WDR53: variants seen among roughly 807,000 people sequenced by gnomAD.
The protein encoded by WDR53 is WD repeat-containing protein 53.
In WDR53, 19 loss-of-function variants were observed where a neutral mutation model predicts 21.3. That is an observed-to-expected ratio of 0.89 (90% CI 0.62 to 1.31). The LOEUF is 1.31. Among genes scored for constraint, WDR53 ranks in the 50% most tolerant of loss-of-function variants. WDR53 has a pLI of 0.00. For missense variants in WDR53, 374 were observed against 423.2 expected, an observed-to-expected ratio of 0.88 and a Z score of 1.02; for synonymous variants, 157 against 163.4, an observed-to-expected ratio of 0.96 and a Z score of 0.30.
intron 2 of WDR53, 131 bp from the exon 3 acceptor site, chr3:196,561,622 TAAA>T: frequency 4.0e-6 from 3 of 752,774 alleles, no homozygotes; most frequent in Non-Finnish European, 5.6e-6. Flanking sequence ...CTCAATTAAT[TAAA>T]AAAAAAAAAG....
At chr3:196,562,283 T>C (rs748020287) in intron 2 of WDR53, among the ~76,000 whole-genome samples, 9 of 152,170 alleles carry the variant, frequency 5.9e-5, no homozygotes, top group Non-Finnish European at 1.2e-4. Flanking sequence ...TTTTCTGAGA[T>C]GGAGTCTCGC....
At chr3:196,560,602 T>C (rs558097148) in intron 3 of WDR53, among the ~76,000 whole-genome samples, 4 of 152,114 alleles carry the variant, frequency 2.6e-5, no homozygotes, top group African/African-American at 9.7e-5. Context: ...ATACACACTA[T>C]TTCAGTTAAT....
Position 196,562,565 on chromosome 3 carries a change from A to G in WDR53, c.-16-1074T>C, listed in dbSNP as rs574009261. ...GCGTGAGCCACCACGCCCGGCTGCA[A>G]TGTGTTTTAGTAAGTCCTCCAGGTG... On this transcript the variant is annotated intron_variant, in intron 2 of 3. Transcript: ENST00000332629. Among the ~76,000 whole-genome samples, 11 of 152,194 alleles carry G rather than the reference A, an allele frequency of 7.2e-5. No individual in the cohort carries two copies. The East Asian group carries it at 2.1e-3, about 29-fold the overall frequency.
At chr3:196,567,676 G>A (rs1488665777) in intron 1 of WDR53, among the ~76,000 whole-genome samples, 1 of 151,960 alleles carries the variant, frequency 6.6e-6, no homozygotes, top group African/African-American at 2.4e-5. Flanking sequence ...CTCTTACTAA[G>A]CATGCTTTAA....
intron 3 of WDR53, among the ~76,000 whole-genome samples, chr3:196,559,683 C>T (rs964934656): frequency 7.9e-5 from 12 of 152,134 alleles, no homozygotes; most frequent in African/African-American, 2.9e-4. Context: ...CTGGACACAT[C>T]GGTCATTCAC....
chr3:196,561,162 G>C lies in WDR53; in HGVS notation c.314C>G (p.Thr105Arg). The C allele has an allele frequency of 6.2e-7, 1 of 1,614,164 alleles. No individual in the cohort carries two copies. The highest frequency in any genetic ancestry group is 8.5e-7 in the Non-Finnish European group (1 of 1,180,028). ...EEINCLSLNQ[T>R]ENLLASADDS... ...GTCAGCAGAAGCCAGCAGGTTTTCC[G>C]TTTGATTCAATGAAAGACAATTGAT... The change falls in exon 3 of 4, where the codon ACG becomes AGG. Residue 105 changes from threonine to arginine, a missense_variant. Transcript: ENST00000332629.
rs1435721312 is a variant in WDR53 at position 196,567,137 on chromosome 3, G to C, written c.-277C>G. ...TAGTTCATGATCCCTTTCTCAGATG[G>C]ATCAACTCTGCTTATCCTTGAAGAC... On this transcript the variant is annotated 5_prime_UTR_variant, in exon 2 of 4. The change creates a new upstream start codon in the 5' untranslated region. Transcript: ENST00000332629. 6.6e-6 allele frequency: 3 copies of C among 456,946 alleles called. No individual in the cohort carries two copies. In the East Asian group the frequency reaches 2.1e-4, roughly 32 times the overall value. 28.3% of individuals were successfully genotyped at this position (456,946 alleles called of 1,614,324 possible). A position where few individuals can be genotyped will look rare whatever the true frequency, so the allele number is the denominator to read the frequency against.
chr3:196,559,986 C>T (rs143933163), intron 3 of WDR53, among the ~76,000 whole-genome samples: 100 of 152,316 alleles, frequency 6.6e-4, no homozygotes, highest in African/African-American at 2.2e-3. Context: ...TGACGACTCA[C>T]TCCAGTGATG....
At chr3:196,559,890 A>G (rs1048103483) in intron 3 of WDR53, among the ~76,000 whole-genome samples, 7 of 152,338 alleles carry the variant, frequency 4.6e-5, no homozygotes, top group Middle Eastern at 3.4e-3. Context: ...ATTTATTAAA[A>G]AAAATAACTA....
chr3:196,567,332 G>T lies in WDR53; in HGVS notation c.-447-25C>A, dbSNP rs142538875. The stretch of plus-strand genomic sequence containing the variant: ...ACTGGTAAGAATGAAAAGAATTAGG[G>T]TTACTGGACTTGGTGAAAAAGACAT... On this transcript the variant is annotated intron_variant, in intron 1 of 3. Coordinates refer to ENST00000332629, the MANE Select transcript of WDR53 (RefSeq NM_182627.3). 5.5e-4 allele frequency: 234 copies of T among 422,894 alleles called. 2 individuals are homozygous for T. In the East Asian group the frequency reaches 0.015, roughly 27 times the overall value. 26.2% of individuals were successfully genotyped at this position (422,894 alleles called of 1,614,324 possible). A position where few individuals can be genotyped will look rare whatever the true frequency, so the allele number is the denominator to read the frequency against.
rs1240890276 is a variant in WDR53, at chr3:196,561,113, T to C, written c.363A>G (p.Leu121=). The part of the protein sequence containing the change: ...SADDSGAIKI[L]DLENKKVIRS... Reference sequence around the variant, plus strand: ...TGATAACTTTCTTGTTTTCCAAGTCTAGGATTTTGATTGCCCCAGAGTCGT... The same window carrying C: ...TGATAACTTTCTTGTTTTCCAAGTCCAGGATTTTGATTGCCCCAGAGTCGT... The change falls in exon 3 of 4, where the codon CTA becomes CTG. Residue 121 remains leucine (L), a synonymous_variant. Coordinates refer to ENST00000332629, the MANE Select transcript of WDR53 (RefSeq NM_182627.3). 3.7e-6 allele frequency: 6 copies of C among 1,614,128 alleles called. No individual in the cohort carries two copies. The highest frequency in any genetic ancestry group is 2.2e-5 in the South Asian group (2 of 91,088).
At chr3:196,566,301 G>C (rs1195972977) in intron 2 of WDR53, among the ~76,000 whole-genome samples, 1 of 151,754 alleles carries the variant, frequency 6.6e-6, no homozygotes, top group African/African-American at 2.4e-5. Context: ...TGTTGCCCAA[G>C]CTGGTCTAAC....
chr3:196,559,431 G>A (rs760576737), intron 3 of WDR53, among the ~76,000 whole-genome samples: 5 of 152,138 alleles, frequency 3.3e-5, no homozygotes, highest in African/African-American at 9.7e-5. Flanking sequence ...TCCCAGCACT[G>A]CAGGACACCC....
intron 2 of WDR53, among the ~76,000 whole-genome samples, chr3:196,563,000 TTTTTA>T (rs1382304149): frequency 6.6e-6 from 1 of 152,154 alleles, no homozygotes; most frequent in East Asian, 1.9e-4. Context: ...GCCTGGCTAA[TTTTTA>T]TTTTATTAAA....
intron 2 of WDR53, among the ~76,000 whole-genome samples, chr3:196,562,540 G>A (rs879366098): frequency 3.3e-5 from 5 of 152,152 alleles, no homozygotes; most frequent in Non-Finnish European, 7.4e-5. Flanking sequence ...GGGATTATAA[G>A]CGTGAGCCAC....
chr3:196,567,310 G>A lies in WDR53; in HGVS notation c.-447-3C>T, dbSNP rs190922232. ...ATTGAAGGGCTGTGGCGCTGGCACT[G>A]GTAAGAATGAAAAGAATTAGGGTTA... On this transcript the variant is annotated splice_region_variant and splice_polypyrimidine_tract_variant and intron_variant, in intron 1 of 3. Coordinates refer to ENST00000332629, the MANE Select transcript of WDR53 (RefSeq NM_182627.3). 8.0e-5 allele frequency: 36 copies of A among 448,624 alleles called. No individual in the cohort carries two copies. Among genetic ancestry groups the A allele is most frequent in the African/African-American group, 6.9e-4 (34 of 49,504 alleles). 27.8% of individuals were successfully genotyped at this position (448,624 alleles called of 1,614,324 possible).
At chr3:196,562,173 T>C (rs1206301822) in intron 2 of WDR53, among the ~76,000 whole-genome samples, 2 of 152,206 alleles carry the variant, frequency 1.3e-5, no homozygotes, top group Non-Finnish European at 2.9e-5. Context: ...CCTAGGAACT[T>C]GTCAGAAATG....
At chr3:196,564,538 T>A (rs1206053255) in intron 2 of WDR53, among the ~76,000 whole-genome samples, 5 of 151,920 alleles carry the variant, frequency 3.3e-5, no homozygotes, top group Non-Finnish European at 7.4e-5. Context: ...TTTTTGTATT[T>A]TTTTTGTAGA....
chr3:196,565,326 G>A (rs1735275342), intron 2 of WDR53, among the ~76,000 whole-genome samples: 1 of 151,734 alleles, frequency 6.6e-6, no homozygotes, highest in Non-Finnish European at 1.5e-5. Flanking sequence ...TGCAATCCTA[G>A]CACTTTGGGA....
Sources: allele counts gnomAD v4.1 joint callset (sites outside exome capture counted in the v4.1 genomes callset), GRCh38; gene constraint gnomAD v4.1.1; transcripts MANE v1.5; gene names NCBI Gene and HGNC (gene_info 2026-07-23, HGNC 2026-07-21).